The following NCOR2 variants were observed in gnomAD, a reference collection of about 807,000 sequenced individuals.
NCOR2 encodes the protein nuclear receptor corepressor 2.
Under a neutral mutation model 262.9 loss-of-function variants are expected in NCOR2, and 81 were observed. The observed-to-expected ratio is 0.31, with a 90% CI of 0.26 to 0.37. The LOEUF (loss-of-function observed/expected upper bound fraction) is 0.37, where lower values mean the gene tolerates loss of function less well. NCOR2 is among the 10% of genes least tolerant of loss of function. The pLI is 1.00. For missense variants in NCOR2, 3,385 were observed against 3,621.4 expected (o/e 0.93, Z 1.68); for synonymous variants, 1,659 against 1,559.3 (o/e 1.06, Z -1.51).
chr12:124,354,872 A>G, exon 25 of NCOR2: 3 of 1,612,686 alleles, frequency 1.9e-6, no homozygotes, highest in Non-Finnish European at 1.7e-6. Context: ...GGGCAGCCCC[A>G]TGGTGACAGG....
At position 124,566,431 on chromosome 12, in the gene NCOR2, T is replaced by G. The variant is rs922568144; in HGVS notation, c.-165+877A>C. 1.3e-5 allele frequency among the ~76,000 whole-genome samples: 2 copies of G among 151,874 alleles called. No individual in the cohort carries two copies. On this transcript the variant is annotated intron_variant, in intron 1 of 32. Coordinates refer to the NCOR2 transcript ENST00000458234. The surrounding 1 kb of genome is among the most constrained non-coding windows in gnomAD (Gnocchi z 4.3). ...CTCCCAGGTACAGCCTGTCTCTCCCTCCCGCCCGCCGTGCCCTCCCGCCCT... is the reference window on the plus strand; with the variant it reads ...CTCCCAGGTACAGCCTGTCTCTCCCGCCCGCCCGCCGTGCCCTCCCGCCCT...
chr12:124,473,995 TG>T (rs1234501307), intron 3 of NCOR2, among the ~76,000 whole-genome samples: 1 of 152,198 alleles, frequency 6.6e-6, no homozygotes, highest in Non-Finnish European at 1.5e-5. Context: ...CAAATGCTCT[TG>T]CTACATGAAT....
chr12:124,474,057 G>GT (rs1465441787), intron 3 of NCOR2, among the ~76,000 whole-genome samples: 1 of 152,108 alleles, frequency 6.6e-6, no homozygotes, highest in Non-Finnish European at 1.5e-5. Context: ...CCCTGTTCGC[G>GT]TAACACACCT....
At chr12:124,446,343 G>C (rs993803028) in intron 7 of NCOR2, among the ~76,000 whole-genome samples, 1 of 152,162 alleles carries the variant, frequency 6.6e-6, no homozygotes, top group Non-Finnish European at 1.5e-5. Context: ...ACAAAAGTCT[G>C]ATCACATTGC....
At position 124,519,558 on chromosome 12, in the gene NCOR2, G is replaced by A. The variant is rs61039401; in HGVS notation, c.-118+16007C>T. 4.8e-3 allele frequency among the ~76,000 whole-genome samples: 732 copies of A among 152,336 alleles called. 16 individuals are homozygous for A. The highest frequency in any genetic ancestry group is 0.045 in the East Asian group (232 of 5,180). ...AGAAGGCTGGTGTGGCCGGGGCGCA[G>A]GGGCGAGGCGGGGAGAGTTTGACGA... On this transcript the variant is annotated intron_variant, in intron 1 of 46. Coordinates refer to the NCOR2 transcript ENST00000404621.
intron 42 of NCOR2, 139 bp from the exon 45 acceptor site, chr12:124,332,606 G>T: frequency 1.8e-6 from 2 of 1,106,992 alleles, no homozygotes; most frequent in Non-Finnish European, 2.6e-6. Context: ...TCCCCTGCCT[G>T]GTAGAAGATC....
At position 124,503,671 on chromosome 12, in the gene NCOR2, A is replaced by G. The variant is rs1414385507; in HGVS notation, c.-117-8303T>C. Among the ~76,000 whole-genome samples the G allele has an allele frequency of 4.3e-4, 53 of 122,216 alleles. No homozygotes were observed. The highest frequency in any genetic ancestry group is 6.4e-4 in the South Asian group (2 of 3,136). The allele number at this position is 122,216 out of a possible 152,430, so 80.2% of individuals were successfully genotyped here. Reference sequence around the variant, plus strand: ...GGATGGATGGATGGATGGACGGGTGAATGGATGGATGGATGGATGGATGGA... The same window carrying G: ...GGATGGATGGATGGATGGACGGGTGGATGGATGGATGGATGGATGGATGGA... On this transcript the variant is annotated intron_variant, in intron 1 of 46. Transcript: ENST00000404621. This position sits in a 1 kb window ranked among gnomAD's most constrained non-coding sequence, Gnocchi z 4.3.
At chr12:124,547,865 T>C (rs963017930) in intron 1 of NCOR2, among the ~76,000 whole-genome samples, 3 of 152,244 alleles carry the variant, frequency 2.0e-5, no homozygotes, top group African/African-American at 2.4e-5. Context: ...CATGGCTGAA[T>C]AATATTCCAT....
At chr12:124,435,599 C>T (rs567384286) in intron 8 of NCOR2, among the ~76,000 whole-genome samples, 121 of 152,326 alleles carry the variant, frequency 7.9e-4, no homozygotes, top group Non-Finnish European at 1.4e-3. Context: ...ATAGCACAGC[C>T]CCTCCTTCCA....
chr12:124,381,409 T>C (rs2040400780), intron 17 of NCOR2, among the ~76,000 whole-genome samples: 1 of 151,170 alleles, frequency 6.6e-6, no homozygotes, highest in Non-Finnish European at 1.5e-5. Context: ...TTCTACTACA[T>C]TCTTCTCATA....
intron 11 of NCOR2, among the ~76,000 whole-genome samples, chr12:124,424,168 A>G (rs2043392344): frequency 6.6e-6 from 1 of 152,208 alleles, no homozygotes; most frequent in Admixed American, 6.5e-5. Flanking sequence ...AGATCTTCCG[A>G]AAGGCTGAAG....
intron 9 of NCOR2, among the ~76,000 whole-genome samples, chr12:124,429,971 G>A (rs894378655): frequency 2.7e-4 from 41 of 152,212 alleles, no homozygotes; most frequent in African/African-American, 9.6e-4. Flanking sequence ...AAAGATCTGG[G>A]TTCAAAGCCC....
At chr12:124,354,004 T>G in intron 27 of NCOR2, 89 bp downstream of exon 29, 1 of 1,195,200 alleles carries the variant, frequency 8.4e-7, no homozygotes, top group Non-Finnish European at 1.2e-6. Flanking sequence ...CGGCTGAGGC[T>G]AATGGTTTGG....
chr12:124,541,789 T>G (rs1266566980), intron 1 of NCOR2, among the ~76,000 whole-genome samples: 1 of 9,080 alleles, frequency 1.1e-4, no homozygotes. Context: ...TGGAGGGGGA[T>G]GGGGGTGGAT....
At chr12:124,346,568 G>C in exon 31 of NCOR2, 1 of 1,550,604 alleles carries the variant, frequency 6.4e-7, no homozygotes, top group Non-Finnish European at 8.7e-7. Context: ...CCATACCTGC[G>C]TGATGGAGCC....
chr12:124,477,488 G>C (rs531966517), intron 3 of NCOR2, among the ~76,000 whole-genome samples: 13 of 152,342 alleles, frequency 8.5e-5, no homozygotes, highest in Admixed American at 4.6e-4. Flanking sequence ...CACAGGGAGT[G>C]ACTGATTAAT....
chr12:124,412,068 C>T (rs1363146817), intron 13 of NCOR2, among the ~76,000 whole-genome samples: 1 of 152,260 alleles, frequency 6.6e-6, no homozygotes, highest in South Asian at 2.1e-4. Context: ...GCACATCCCT[C>T]GCCTCCAGCC....
At chr12:124,353,157 A>G (rs2037646818) in intron 27 of NCOR2, among the ~76,000 whole-genome samples, 1 of 152,210 alleles carries the variant, frequency 6.6e-6, no homozygotes, top group African/African-American at 2.4e-5. Flanking sequence ...GCCACTCAGG[A>G]ACCCAGAGCA....
chr12:124,411,063 G>C (rs925904554), intron 13 of NCOR2, among the ~76,000 whole-genome samples: 1 of 125,758 alleles, frequency 8.0e-6, no homozygotes, highest in Non-Finnish European at 1.8e-5. Flanking sequence ...GAAGAGGAGA[G>C]ATGGGGGAGA....
Sources: allele counts gnomAD v4.1 joint callset (sites outside exome capture counted in the v4.1 genomes callset), GRCh38; gene constraint gnomAD v4.1.1; non-coding constraint Gnocchi (gnomAD v3.1); transcripts MANE v1.5; gene names NCBI Gene and HGNC (gene_info 2026-07-23, HGNC 2026-07-21).